MALRD1: variants seen among roughly 807,000 people sequenced by gnomAD.
MALRD1 encodes the protein MAM and LDL-receptor class A domain-containing protein 1.
MALRD1 carries 247 observed loss-of-function variants against 242.1 expected under a neutral mutation model. The ratio of observed to expected loss-of-function variants is 1.02; its 90% CI spans 0.92 to 1.13. The LOEUF (loss-of-function observed/expected upper bound fraction) is 1.13, where lower values mean the gene tolerates loss of function less well. MALRD1 is among the 50% of genes most tolerant of loss of function. The pLI is 0.00. For synonymous variants in MALRD1, 995 were observed against 866.6 expected (o/e 1.15, Z -2.60); for missense variants, 2,989 against 2,533.1 (o/e 1.18, Z -3.86).
intron 21 of MALRD1, 28 bp downstream of exon 21, chr10:19,283,209 C>G (rs1416661852): frequency 3.5e-6 from 5 of 1,432,122 alleles, no homozygotes; most frequent in South Asian, 1.5e-5. Flanking sequence ...TTGAATATCT[C>G]TCTTGGGAAA....
rs1554798087 is a variant in MALRD1, at chr10:19,149,123, T to TCTATCTATCTAA, written c.1558+2782_1558+2783insTCTATCTAACTA. Among the ~76,000 whole-genome samples, 14 of 150,090 alleles carry TCTATCTATCTAA rather than the reference T, an allele frequency of 9.3e-5. No individual in the cohort carries two copies. The South Asian group carries it at 2.3e-3, about 25-fold the overall frequency. On this transcript the variant is annotated intron_variant, in intron 11 of 39. Coordinates refer to ENST00000454679, the MANE Select transcript of MALRD1 (RefSeq NM_001142308.3). ...ATCTATCTATCTATCTATCTATCTA[T>TCTATCTATCTAA]CTAACTAGCTGAGACAGAGTCTCAC...
At chr10:19,137,338 G>A (rs1833381815) in intron 10 of MALRD1, among the ~76,000 whole-genome samples, 1 of 151,988 alleles carries the variant, frequency 6.6e-6, no homozygotes, top group Admixed American at 6.5e-5. Flanking sequence ...GGGTGCAATG[G>A]CTCACACCTG....
At chr10:19,480,677 A>T (rs1391134760) in intron 29 of MALRD1, among the ~76,000 whole-genome samples, 1 of 152,222 alleles carries the variant, frequency 6.6e-6, no homozygotes, top group African/African-American at 2.4e-5. Context: ...GGAGTGAGTG[A>T]TGACTTCTGA....
chr10:19,106,682 T>C (rs1469693078), intron 5 of MALRD1, among the ~76,000 whole-genome samples: 1 of 151,858 alleles, frequency 6.6e-6, no homozygotes, highest in Admixed American at 6.6e-5. Context: ...AATTTGGGGT[T>C]TAGTTTCTTC....
rs77206282 is a variant in MALRD1, at chr10:19,313,636, A to T, written c.3420-10313A>T. The stretch of plus-strand genomic sequence containing the variant: ...CCTCAAACTATGTACATCTATTATG[A>T]ATCAATTAAAATGTTTTATAAAGGT... On this transcript the variant is annotated intron_variant, in intron 21 of 39. Coordinates refer to ENST00000454679, the MANE Select transcript of MALRD1 (RefSeq NM_001142308.3). Among the ~76,000 whole-genome samples, 80 of 151,758 alleles carry T rather than the reference A, an allele frequency of 5.3e-4. No individual in the cohort carries two copies. The East Asian group carries it at 0.014, about 26-fold the overall frequency.
chr10:19,204,299 TC>T lies in MALRD1; in HGVS notation c.2105-8del. 1.4e-6 allele frequency: 2 copies of T among 1,430,792 alleles called. No individual in the cohort carries two copies. Among genetic ancestry groups the T allele is most frequent in the Non-Finnish European group, 1.9e-6 (2 of 1,064,100 alleles). 88.6% of individuals were successfully genotyped at this position (1,430,792 alleles called of 1,614,324 possible). A position where few individuals can be genotyped will look rare whatever the true frequency, so the allele number is the denominator to read the frequency against. ...ATGAAGCGTTTTTTTTTTTTTTTTATCTCAACAGGGCATTTTATGTTCATTC... is the reference window on the plus strand; with the variant it reads ...ATGAAGCGTTTTTTTTTTTTTTTTATTCAACAGGGCATTTTATGTTCATTC... On this transcript the variant is annotated splice_polypyrimidine_tract_variant and splice_region_variant and intron_variant, in intron 15 of 39. Coordinates refer to ENST00000454679, the MANE Select transcript of MALRD1 (RefSeq NM_001142308.3).
chr10:19,349,847 T>C (rs529536914), intron 25 of MALRD1, among the ~76,000 whole-genome samples: 2 of 152,180 alleles, frequency 1.3e-5, no homozygotes, highest in Non-Finnish European at 2.9e-5. Flanking sequence ...GTCCAGTGGA[T>C]TATTTTTTCA....
chr10:19,315,912 AATAGT>A (rs1052596824), intron 21 of MALRD1, among the ~76,000 whole-genome samples: 28 of 149,478 alleles, frequency 1.9e-4, no homozygotes, highest in African/African-American at 6.8e-4. Context: ...ATTTTACTAA[AATAGT>A]ATAGTAGTAT....
intron 18 of MALRD1, among the ~76,000 whole-genome samples, chr10:19,215,823 T>A (rs542596645): frequency 2.0e-3 from 105 of 51,940 alleles, no homozygotes; most frequent in Non-Finnish European, 2.9e-3. Context: ...ATAATTAGTA[T>A]AAATACATAA....
chr10:19,585,525 C>A (rs532500766), intron 33 of MALRD1, among the ~76,000 whole-genome samples: 2 of 152,068 alleles, frequency 1.3e-5, no homozygotes, highest in East Asian at 1.9e-4. Flanking sequence ...GTTGAAAATT[C>A]TTTTCTTTAA....
At chr10:19,628,431 G>A (rs1322369019) in intron 36 of MALRD1, among the ~76,000 whole-genome samples, 1 of 152,136 alleles carries the variant, frequency 6.6e-6, no homozygotes, top group Non-Finnish European at 1.5e-5. Context: ...GGAATAGTAT[G>A]TAACACTTTT....
intron 28 of MALRD1, among the ~76,000 whole-genome samples, chr10:19,420,661 T>G (rs533717183): frequency 6.6e-6 from 1 of 152,012 alleles, no homozygotes. Flanking sequence ...TCTTTTAGAG[T>G]CTTTTGTGCA....
chr10:19,189,743 C>A (rs767976879), intron 14 of MALRD1, among the ~76,000 whole-genome samples: 4 of 151,794 alleles, frequency 2.6e-5, no homozygotes, highest in Non-Finnish European at 5.9e-5. Flanking sequence ...CAGAAAAAAA[C>A]ATTTGATACA....
At chr10:19,575,488 C>G (rs1836768040) in intron 33 of MALRD1, among the ~76,000 whole-genome samples, 1 of 136,514 alleles carries the variant, frequency 7.3e-6, no homozygotes, top group Non-Finnish European at 1.5e-5. Flanking sequence ...ATGGTTCACA[C>G]ACACACACAC....
intron 36 of MALRD1, among the ~76,000 whole-genome samples, chr10:19,636,923 GA>G (rs1840160695): frequency 6.7e-6 from 1 of 148,216 alleles, no homozygotes; most frequent in African/African-American, 2.5e-5. Context: ...ACGCAGAGTA[GA>G]TTTTTTTAAA....
chr10:19,694,823 A>G (rs1261151174), intron 38 of MALRD1, among the ~76,000 whole-genome samples: 1 of 152,234 alleles, frequency 6.6e-6, no homozygotes, highest in Non-Finnish European at 1.5e-5. Context: ...GAACCAAGCC[A>G]AATGTCCAAC....
chr10:19,429,819 C>T (rs1412047101), intron 28 of MALRD1, among the ~76,000 whole-genome samples: 3 of 152,062 alleles, frequency 2.0e-5, no homozygotes, highest in Non-Finnish European at 4.4e-5. Context: ...CCCTTCAATT[C>T]TCCCGCTTAT....
chr10:19,438,248 A>G (rs1278288449), intron 28 of MALRD1, among the ~76,000 whole-genome samples: 1 of 152,086 alleles, frequency 6.6e-6, no homozygotes, highest in African/African-American at 2.4e-5. Context: ...CCTACTCTGC[A>G]CAATAGAAAT....
At chr10:19,330,509 T>C (rs560570231) in intron 23 of MALRD1, among the ~76,000 whole-genome samples, 4 of 152,180 alleles carry the variant, frequency 2.6e-5, no homozygotes, top group Non-Finnish European at 4.4e-5. Flanking sequence ...TTTTGAAATA[T>C]CTCAATATTT....
Sources: gnomAD v4.1 joint callset for allele counts (sites outside exome capture counted in the v4.1 genomes callset) on GRCh38, gnomAD v4.1.1 for gene constraint, MANE v1.5 for transcripts, NCBI Gene and HGNC (gene_info 2026-07-23, HGNC 2026-07-21) for gene names.